CARNS1: variants seen among roughly 807,000 people sequenced by gnomAD.
CARNS1 encodes ATP-grasp domain containing 1.
In CARNS1, 61 loss-of-function variants were observed where a neutral mutation model predicts 74.0. That is an observed-to-expected ratio of 0.82 (90% CI 0.67 to 1.02). The LOEUF (loss-of-function observed/expected upper bound fraction) is 1.02, where lower values mean the gene tolerates loss of function less well. Ranked by LOEUF, CARNS1 falls within the 50% of genes least tolerant of loss-of-function variation. The probability of loss-of-function intolerance (pLI) is 0.00; values close to 1 mark genes in which losing one functional copy is unlikely to be tolerated. For missense variants in CARNS1, 1,278 were observed against 1,308.4 expected, an observed-to-expected ratio of 0.98 and a Z score of 0.36; for synonymous variants, 568 against 605.5, an observed-to-expected ratio of 0.94 and a Z score of 0.91.
At position 67,420,711 on chromosome 11, in the gene CARNS1, G is replaced by C. The variant is rs928067834; in HGVS notation, c.1216G>C (p.Ala406Pro). The C allele has an allele frequency of 6.3e-6, 8 of 1,266,528 alleles. No homozygotes were observed. The East Asian group carries it at 1.9e-4, about 30-fold the overall frequency. 78.5% of individuals were successfully genotyped at this position (1,266,528 alleles called of 1,614,324 possible). ...GGCCCAGTGCGGCCTGGGCGAGGAGGCGCAGGTGGCGGCTGTGCGGCAGCG... is the reference window on the plus strand; with the variant it reads ...GGCCCAGTGCGGCCTGGGCGAGGAGCCGCAGGTGGCGGCTGTGCGGCAGCG... ...ALAQCGLGEE[A>P]QVAAVRQRVK... Residue 406 changes from alanine (A) to proline (P), a missense_variant, in exon 8 of 10, where the codon GCG becomes CCG. Physicochemically the swap from Ala to Pro is conservative, Grantham distance 27. Coordinates refer to ENST00000687366, the MANE Select transcript of CARNS1 (RefSeq NM_001166222.2).
Position 67,421,100 on chromosome 11 carries a change from G to T in CARNS1, c.1507G>T (p.Glu503Ter). 7.0e-7 allele frequency: 1 copy of T among 1,438,450 alleles called. No homozygotes were observed. The allele number at this position is 1,438,450 out of a possible 1,614,324, so 89.1% of individuals were successfully genotyped here. Residue 503 changes from glutamate (E) to a stop codon, truncating the protein, a stop_gained, in exon 9 of 10, where the codon GAG becomes TAG. Transcript: ENST00000687366. LOFTEE classifies it high-confidence loss of function. ...ADEAVAAPLVETMLRRSARCL... is the reference protein window; with the variant it reads ...ADEAVAAPLV The stretch of plus-strand genomic sequence containing the variant: ...CGAGGCGGTGGCGGCGCCGCTGGTG[G>T]AGACCATGCTTCGGCGGTCGGCGCG...
intron 9 of CARNS1, among the ~76,000 whole-genome samples, chr11:67,422,119 G>A (rs924336705): frequency 5.9e-5 from 8 of 135,734 alleles, no homozygotes; most frequent in African/African-American, 1.7e-4. Context: ...TGATCCACCC[G>A]CCTCAGCCTC....
chr11:67,424,139 C>A lies in CARNS1; in HGVS notation c.2391C>A (p.Phe797Leu). The A allele has an allele frequency of 6.2e-7, 1 of 1,613,944 alleles. No homozygotes were observed. The highest frequency in any genetic ancestry group is 1.1e-5 in the South Asian group (1 of 91,088). Reference protein sequence around the residue: ...CLGCGLLDGVFNVELKLTGAG... With the variant: ...CLGCGLLDGVLNVELKLTGAG... ...GCTGCGGGTTGCTCGATGGAGTCTT[C>A]AACGTGGAGCTCAAGCTGACCGGGG... Residue 797 changes from phenylalanine to leucine, a missense_variant, in exon 10 of 10, where the codon TTC becomes TTA. This residue lies in a region of CARNS1 where 1,164 missense variants were observed against 1,156.5 expected (regional missense o/e 1.01). Transcript: ENST00000687366.
Position 67,417,637 on chromosome 11 carries a change from C to G in CARNS1, c.234C>G (p.Gly78=), listed in dbSNP as rs561765457. 4.7e-6 allele frequency: 6 copies of G among 1,270,600 alleles called. No individual in the cohort carries two copies. In the African/African-American group the frequency reaches 9.3e-5, roughly 20 times the overall value. The allele number at this position is 1,270,600 out of a possible 1,614,324, so 78.7% of individuals were successfully genotyped here. ...TGCAGAGCTGTCTGCAGCAAGCTGG[C>G]CTTCCGGAGACTCAGGACCGCGGCC... The part of the protein sequence containing the change: ...SLLQSCLQQA[G]LPETQDRGQV... Residue 78 remains glycine, a synonymous_variant, in exon 3 of 10, where the codon GGC becomes GGG. Coordinates refer to ENST00000687366, the MANE Select transcript of CARNS1 (RefSeq NM_001166222.2).
chr11:67,422,171 CTTTTTTTTTTT>C (rs35293042), intron 9 of CARNS1, among the ~76,000 whole-genome samples: 10 of 72,798 alleles, frequency 1.4e-4, no homozygotes, highest in Admixed American at 6.5e-4. Flanking sequence ...CGCGCCCGGC[CTTTTTTTTTTT>C]TTTTTTTTTT....
intron 2 of CARNS1, chr11:67,416,985 C>A (rs1473298241): frequency 1.0e-6 from 1 of 993,964 alleles, no homozygotes; most frequent in African/African-American, 1.7e-5. Flanking sequence ...AGAGTGATGG[C>A]TGGGTTCGTT....
rs1208827393 is a variant in CARNS1, at chr11:67,419,528, G to A, written c.894G>A (p.Gln298=). The A allele has an allele frequency of 6.2e-7, 1 of 1,609,680 alleles. No homozygotes were observed. The highest frequency in any genetic ancestry group is 8.5e-7 in the Non-Finnish European group (1 of 1,179,190). ...GTGGCTGGCGCTGGCGGGGGCGGCAGGCATGGCGTCTGCACCCGCGGGCAG... is the reference window on the plus strand; with the variant it reads ...GTGGCTGGCGCTGGCGGGGGCGGCAAGCATGGCGTCTGCACCCGCGGGCAG... ...KLSGWRWRGR[Q]AWRLHPRAEL... Residue 298 remains glutamine (Q), a synonymous_variant, in exon 6 of 10, where the codon CAG becomes CAA. Transcript: ENST00000687366.
Position 67,423,647 on chromosome 11 carries a change from C to G in CARNS1, c.1899C>G (p.His633Gln), listed in dbSNP as rs754830846. The G allele has an allele frequency of 2.5e-6, 4 of 1,607,276 alleles. No homozygotes were observed. The highest frequency in any genetic ancestry group is 3.4e-5 in the Admixed American group (2 of 59,542). Residue 633 changes from histidine to glutamine, a missense_variant, in exon 10 of 10, where the codon CAC becomes CAG. Coordinates refer to ENST00000687366, the MANE Select transcript of CARNS1 (RefSeq NM_001166222.2). This position sits in a 1 kb window ranked among gnomAD's most constrained non-coding sequence, Gnocchi z 5.1. ...LAKQKSLTQL[H>Q]LLHHHGPPWP... ...AGCAGAAGAGCCTCACCCAGCTGCACCTGTTGCACCACCATGGCCCACCCT... is the reference window on the plus strand; with the variant it reads ...AGCAGAAGAGCCTCACCCAGCTGCAGCTGTTGCACCACCATGGCCCACCCT...
In CARNS1 at chr11:67,424,694, C is replaced by T. The variant is rs997642274; in HGVS notation, c.*93C>T. On this transcript the variant is annotated 3_prime_UTR_variant, in exon 10 of 10. Coordinates refer to ENST00000687366, the MANE Select transcript of CARNS1 (RefSeq NM_001166222.2). ...CTCTTCCTGCTTCTCTCCCCATCAC[C>T]ATGCCCCAGCCCCAGCCTGGCCCGC... 42 of 1,359,966 alleles carry T rather than the reference C, an allele frequency of 3.1e-5. No homozygotes were observed. The African/African-American group carries it at 5.7e-4, about 18-fold the overall frequency. 84.2% of individuals were successfully genotyped at this position (1,359,966 alleles called of 1,614,324 possible).
rs755096802 is a variant in CARNS1 at position 67,419,662 on chromosome 11, G to A, written c.1027+1G>A. On this transcript the variant is annotated splice_donor_variant, in intron 6 of 9. Transcript: ENST00000687366. LOFTEE classifies it high-confidence loss of function. ...CCACCTGCCCAGCTGCCCTGCTCAG[G>A]TGAGAGCCACCTGGGCTGACCAGGG... 1.9e-6 allele frequency: 3 copies of A among 1,592,912 alleles called. No individual in the cohort carries two copies. The African/African-American group carries it at 4.0e-5, about 21-fold the overall frequency.
rs772860072 is a variant in CARNS1 at position 67,420,852 on chromosome 11, CGGCCGG to C, written c.1345+26_1345+31del. Reference sequence around the variant, plus strand: ...CACGGACTTCCTGGGTGAGTGAGGGCGGCCGGGGCCGGGGCCGGGAGCCGAGGGCCA... The same window carrying C: ...CACGGACTTCCTGGGTGAGTGAGGGCGGCCGGGGCCGGGAGCCGAGGGCCA... On this transcript the variant is annotated intron_variant, in intron 8 of 9. Transcript: ENST00000687366. The C allele has an allele frequency of 2.0e-5, 25 of 1,261,090 alleles. No homozygotes were observed. The highest frequency in any genetic ancestry group is 3.1e-4 in the Middle Eastern group (1 of 3,184). 78.1% of individuals were successfully genotyped at this position (1,261,090 alleles called of 1,614,324 possible).
rs768973886 is a variant in CARNS1 at position 67,419,503 on chromosome 11, G to C, written c.869G>C (p.Ser290Thr). ...TTGCTGCAGGTAGCTGTGAAGCTCA[G>C]TGGCTGGCGCTGGCGGGGGCGGCAG... ...GDILQVAVKL[S>T]GWRWRGRQAW... is the part of the protein sequence containing the mutation. The change falls in exon 6 of 10, where the codon AGT (serine) becomes ACT (threonine). Residue 290 changes from serine (S) to threonine (T), a missense_variant. Physicochemically the swap from Ser to Thr is moderately conservative, Grantham distance 58 (BLOSUM62 1). Transcript: ENST00000687366. 1 of 1,612,008 alleles carries C rather than the reference G, an allele frequency of 6.2e-7. No individual in the cohort carries two copies. The highest frequency in any genetic ancestry group is 8.5e-7 in the Non-Finnish European group (1 of 1,179,592).
Position 67,419,536 on chromosome 11 carries a change from G to C in CARNS1, c.902G>C (p.Arg301Pro). ...GWRWRGRQAW[R>P]LHPRAELGAV... Reference sequence around the variant, plus strand: ...CGCTGGCGGGGGCGGCAGGCATGGCGTCTGCACCCGCGGGCAGAGCTGGGT... The same window carrying C: ...CGCTGGCGGGGGCGGCAGGCATGGCCTCTGCACCCGCGGGCAGAGCTGGGT... Residue 301 changes from arginine (R) to proline (P), a missense_variant, in exon 6 of 10, where the codon CGT (arginine) becomes CCT (proline). Arg to Pro is a moderately radical substitution (Grantham distance 103). This residue lies in a region of CARNS1 where 1,164 missense variants were observed against 1,156.5 expected (regional missense o/e 1.01). Coordinates refer to ENST00000687366, the MANE Select transcript of CARNS1 (RefSeq NM_001166222.2). 6.2e-7 allele frequency: 1 copy of C among 1,608,968 alleles called. No homozygotes were observed. Among genetic ancestry groups the C allele is most frequent in the Non-Finnish European group, 8.5e-7 (1 of 1,179,002 alleles).
chr11:67,420,937 A>G lies in CARNS1; in HGVS notation c.1346-2A>G, dbSNP rs1281653273. The G allele has an allele frequency of 2.7e-5, 38 of 1,403,770 alleles. No homozygotes were observed. Among genetic ancestry groups the G allele is most frequent in the Non-Finnish European group, 3.3e-5 (36 of 1,081,296 alleles). The allele number at this position is 1,403,770 out of a possible 1,614,324, so 87.0% of individuals were successfully genotyped here. A position where few individuals can be genotyped will look rare whatever the true frequency, so the allele number is the denominator to read the frequency against. ...TGAGCTCGCGCCTCCCGCCCGGCGCAGGCGTGGATTTCGCGCTGACAGCGG... is the reference window on the plus strand; with the variant it reads ...TGAGCTCGCGCCTCCCGCCCGGCGCGGGCGTGGATTTCGCGCTGACAGCGG... On this transcript the variant is annotated splice_acceptor_variant, in intron 8 of 9. Transcript: ENST00000687366. LOFTEE classifies it high-confidence loss of function.
chr11:67,420,905 C>T, intron 8 of CARNS1, 34 bp from the exon 9 acceptor site: 1 of 1,353,988 alleles, frequency 7.4e-7, no homozygotes, highest in South Asian at 1.7e-5. Context: ...GCGGTGGCTG[C>T]CGTAGCTGAG....
Position 67,419,791 on chromosome 11 carries a change from T to G in CARNS1, c.1066T>G (p.Cys356Gly). The part of the protein sequence containing the change: ...SPGPGLAVRI[C>G]AVVCRTQGDR... ...CGGCCCCGGCCTGGCCGTGCGAATC[T>G]GTGCTGTGGTGTGTCGGACACAGGG... Residue 356 changes from cysteine (C) to glycine (G), a missense_variant, in exon 7 of 10, where the codon TGT (cysteine) becomes GGT (glycine). Transcript: ENST00000687366. 1.2e-6 allele frequency: 2 copies of G among 1,602,444 alleles called. No individual in the cohort carries two copies. The highest frequency in any genetic ancestry group is 1.7e-6 in the Non-Finnish European group (2 of 1,174,960).
chr11:67,421,344 G>A lies in CARNS1; in HGVS notation c.1626+125G>A, dbSNP rs999746879. On this transcript the variant is annotated intron_variant, in intron 9 of 9. Coordinates refer to ENST00000687366, the MANE Select transcript of CARNS1 (RefSeq NM_001166222.2). The stretch of plus-strand genomic sequence containing the variant: ...CGGGACCAGCCGCGCTAGAGGCGGT[G>A]CTTGGGCGGGGCATCCTGGCCAGGT... 8.1e-6 allele frequency: 9 copies of A among 1,116,716 alleles called. No homozygotes were observed. The Admixed American group carries it at 3.3e-4, about 41-fold the overall frequency. The allele number at this position is 1,116,716 out of a possible 1,614,324, so 69.2% of individuals were successfully genotyped here.
At chr11:67,418,602 G>T in intron 4 of CARNS1, 82 bp downstream of exon 4, 9 of 1,442,394 alleles carry the variant, frequency 6.2e-6, no homozygotes, top group Non-Finnish European at 8.3e-6. Context: ...CAAAATACCC[G>T]CCAACCCTGG....
At position 67,424,498 on chromosome 11, in the gene CARNS1, C is replaced by A. The variant is rs772272151; in HGVS notation, c.2750C>A (p.Pro917His). Reference sequence around the variant, plus strand: ...TACTGCAGTGTGGCCTGTGCCGGACCCAGCCCCACCGAGGCCCGTCTCCGC... The same window carrying A: ...TACTGCAGTGTGGCCTGTGCCGGACACAGCCCCACCGAGGCCCGTCTCCGC... ...EPYCSVACAGPSPTEARLRLL... is the reference protein window; with the variant it reads ...EPYCSVACAGHSPTEARLRLL... The change falls in exon 10 of 10, where the codon CCC becomes CAC. Residue 917 changes from proline to histidine, a missense_variant. Around this residue, in one of 3 missense-constraint regions of CARNS1, gnomAD observed 1,164 missense variants for 1,156.5 expected, o/e 1.01. Coordinates refer to ENST00000687366, the MANE Select transcript of CARNS1 (RefSeq NM_001166222.2). 1.5e-5 allele frequency: 24 copies of A among 1,588,250 alleles called. 1 individual carries two copies. The South Asian group carries it at 2.5e-4, about 17-fold the overall frequency.
Sources: allele counts gnomAD v4.1 joint callset (sites outside exome capture counted in the v4.1 genomes callset), GRCh38; gene constraint gnomAD v4.1.1; regional missense constraint gnomAD v4.1.1; non-coding constraint Gnocchi (gnomAD v3.1); transcripts MANE v1.5; gene names NCBI Gene and HGNC (gene_info 2026-07-23, HGNC 2026-07-21).